ADAMTSL1: variants seen among roughly 807,000 people sequenced by gnomAD.
ADAMTSL1 encodes ADAMTS-like protein 1.
ADAMTSL1 carries 126 observed loss-of-function variants against 201.8 expected under a neutral mutation model. The observed-to-expected ratio is 0.62, with a 90% CI of 0.54 to 0.72. The LOEUF is 0.72. Among genes scored for constraint, ADAMTSL1 ranks in the 30% least tolerant of loss-of-function variants. ADAMTSL1 has a pLI of 0.00. For synonymous variants in ADAMTSL1, 1,121 were observed against 903.4 expected, an observed-to-expected ratio of 1.24 and a Z score of -4.32; for missense variants, 2,679 against 2,277.8, an observed-to-expected ratio of 1.18 and a Z score of -3.59.
chr9:18,334,894 T>C (rs1447468473), intron 2 of ADAMTSL1, among the ~76,000 whole-genome samples: 1 of 152,188 alleles, frequency 6.6e-6, no homozygotes, highest in Non-Finnish European at 1.5e-5. Context: ...ATTTGGTCAA[T>C]TTTCTAAGCA....
rs1003987163 is a variant in ADAMTSL1, at chr9:18,509,286, G to T, written c.191+4330G>T. ...CAGCTTTAAGACTTCGAATCAGTTTGATTTTTAAAGTTTTCAAGTTTTTTC... is the reference window on the plus strand; with the variant it reads ...CAGCTTTAAGACTTCGAATCAGTTTTATTTTTAAAGTTTTCAAGTTTTTTC... On this transcript the variant is annotated intron_variant, in intron 2 of 28. Transcript: ENST00000380548. Among the ~76,000 whole-genome samples the T allele has an allele frequency of 2.2e-5, 3 of 138,058 alleles. No individual in the cohort carries two copies. The East Asian group carries it at 7.6e-4, about 35-fold the overall frequency. The allele number at this position is 138,058 out of a possible 152,430, so 90.6% of individuals were successfully genotyped here. A position where few individuals can be genotyped will look rare whatever the true frequency, so the allele number is the denominator to read the frequency against.
At chr9:17,954,395 C>T (rs1158754423) in intron 1 of ADAMTSL1, among the ~76,000 whole-genome samples, 2 of 152,152 alleles carry the variant, frequency 1.3e-5, no homozygotes, top group African/African-American at 2.4e-5. Context: ...GAATTTTCAG[C>T]CATCGTTAAT....
intron 8 of ADAMTSL1, among the ~76,000 whole-genome samples, chr9:18,661,339 G>C (rs1187725282): frequency 6.6e-6 from 1 of 152,142 alleles, no homozygotes; most frequent in African/African-American, 2.4e-5. Flanking sequence ...TACTAATTCT[G>C]CAGGGAAACA....
intron 2 of ADAMTSL1, among the ~76,000 whole-genome samples, chr9:18,516,224 C>T (rs995625706): frequency 2.6e-5 from 4 of 151,860 alleles, no homozygotes; most frequent in African/African-American, 9.7e-5. Context: ...GTTTCAGTCA[C>T]TGAGAAAGAG....
At chr9:18,366,934 G>T (rs1303259828) in intron 2 of ADAMTSL1, among the ~76,000 whole-genome samples, 2 of 152,042 alleles carry the variant, frequency 1.3e-5, no homozygotes, top group African/African-American at 4.8e-5. Context: ...AAAGTGAAAA[G>T]AATATGAAAA....
intron 2 of ADAMTSL1, among the ~76,000 whole-genome samples, chr9:18,244,320 T>G (rs558531517): frequency 1.3e-5 from 2 of 152,272 alleles, no homozygotes; most frequent in South Asian, 4.1e-4. Context: ...TTTCTCTTCA[T>G]GTATAAAACA....
At chr9:18,029,965 C>G (rs1202678641) in intron 1 of ADAMTSL1, among the ~76,000 whole-genome samples, 1 of 151,598 alleles carries the variant, frequency 6.6e-6, no homozygotes, top group Non-Finnish European at 1.5e-5. Flanking sequence ...TAAACTAGTT[C>G]AACCATTGTG....
At chr9:18,651,867 A>G (rs981712925) in intron 7 of ADAMTSL1, among the ~76,000 whole-genome samples, 1 of 151,962 alleles carries the variant, frequency 6.6e-6, no homozygotes, top group African/African-American at 2.4e-5. Context: ...TCTGGAGAGA[A>G]ATCCCATGTC....
intron 19 of ADAMTSL1, among the ~76,000 whole-genome samples, chr9:18,781,725 A>T (rs1465744951): frequency 1.3e-5 from 2 of 152,186 alleles, no homozygotes; most frequent in Non-Finnish European, 2.9e-5. Context: ...TAAAGGCCCA[A>T]ATCTACCTTC....
At chr9:18,440,686 T>C (rs889835488) in intron 2 of ADAMTSL1, among the ~76,000 whole-genome samples, 12 of 151,862 alleles carry the variant, frequency 7.9e-5, no homozygotes, top group Admixed American at 2.6e-4. Context: ...TACCGCAATT[T>C]TAATATGATG....
chr9:18,096,094 A>T (rs1824240820), intron 1 of ADAMTSL1, among the ~76,000 whole-genome samples: 1 of 152,148 alleles, frequency 6.6e-6, no homozygotes, highest in African/African-American at 2.4e-5. Flanking sequence ...ATCCTTTATT[A>T]TACAACAACA....
At chr9:17,966,718 C>A (rs866723596) in intron 1 of ADAMTSL1, among the ~76,000 whole-genome samples, 1 of 152,126 alleles carries the variant, frequency 6.6e-6, no homozygotes, top group Admixed American at 6.6e-5. Context: ...TATATCTCTT[C>A]ATTCACTGAG....
In ADAMTSL1 at chr9:18,817,236, A is replaced by G. The variant is rs1444648293; in HGVS notation, c.3933A>G (p.Ala1311=). The G allele has an allele frequency of 6.4e-7, 1 of 1,553,048 alleles. No individual in the cohort carries two copies. The highest frequency in any genetic ancestry group is 8.7e-7 in the Non-Finnish European group (1 of 1,147,762). ...GVNVTINCQV[A]GVPEAEVTWF... is the part of the protein sequence containing the mutation. ...ATGTGACAATCAACTGCCAGGTTGC[A>G]GGTGAGAAATTAATGTTCATTTGTT... The change falls in exon 21 of 29, where the codon GCA becomes GCG. Residue 1311 remains alanine, a splice_region_variant and synonymous_variant. Coordinates refer to ENST00000380548, the MANE Select transcript of ADAMTSL1 (RefSeq NM_001040272.6).
chr9:18,040,014 A>G (rs1415528427), intron 1 of ADAMTSL1, among the ~76,000 whole-genome samples: 1 of 152,192 alleles, frequency 6.6e-6, no homozygotes, highest in Non-Finnish European at 1.5e-5. Flanking sequence ...TTGTGTCTCC[A>G]GGATGGTCCT....
At chr9:18,782,676 A>G (rs1475997561) in intron 19 of ADAMTSL1, among the ~76,000 whole-genome samples, 1 of 152,202 alleles carries the variant, frequency 6.6e-6, no homozygotes, top group Admixed American at 6.5e-5. Context: ...GAAAATTAAA[A>G]CGGGTATAAT....
intron 1 of ADAMTSL1, among the ~76,000 whole-genome samples, chr9:17,980,495 C>G (rs1818643595): frequency 6.6e-6 from 1 of 151,982 alleles, no homozygotes; most frequent in African/African-American, 2.4e-5. Context: ...TCTAGCACTT[C>G]TACTTGACTT....
At chr9:18,166,113 T>A (rs1174044167) in intron 2 of ADAMTSL1, among the ~76,000 whole-genome samples, 1 of 151,890 alleles carries the variant, frequency 6.6e-6, no homozygotes, top group Non-Finnish European at 1.5e-5. Context: ...ACAAACCTAT[T>A]TGATTTTAAG....
chr9:17,932,105 TC>T (rs58703367), intron 1 of ADAMTSL1, among the ~76,000 whole-genome samples: 1 of 152,086 alleles, frequency 6.6e-6, no homozygotes, highest in Non-Finnish European at 1.5e-5. Flanking sequence ...TTGTGGGTCT[TC>T]CCCCCAAGTA....
chr9:17,946,184 G>C (rs1184490526), intron 1 of ADAMTSL1, among the ~76,000 whole-genome samples: 2 of 150,514 alleles, frequency 1.3e-5, no homozygotes, highest in Non-Finnish European at 3.0e-5. Context: ...ATTTTGAGTA[G>C]AGATGAGGTC....
Sources: gnomAD v4.1 joint callset for allele counts (sites outside exome capture counted in the v4.1 genomes callset) on GRCh38, gnomAD v4.1.1 for gene constraint, MANE v1.5 for transcripts, NCBI Gene and HGNC (gene_info 2026-07-23, HGNC 2026-07-21) for gene names.